Variants in NOX4 observed in about 807,000 individuals in gnomAD.
The protein encoded by NOX4 is kidney oxidase-1.
Under a neutral mutation model 87.6 loss-of-function variants are expected in NOX4, and 69 were observed. The observed-to-expected ratio is 0.79, with a 90% confidence interval of 0.65 to 0.96. The LOEUF is 0.96. Among genes scored for constraint, NOX4 ranks in the 40% least tolerant of loss-of-function variants. NOX4 has a pLI of 0.00. For missense variants in NOX4, 680 were observed against 681.5 expected (o/e 1.00, Z 0.02); for synonymous variants, 275 against 238.2 (o/e 1.15, Z -1.42).
the NOX4 span, among the ~76,000 whole-genome samples, chr11:89,573,270 G>T: frequency 6.6e-6 from 1 of 152,164 alleles, no homozygotes; most frequent in Non-Finnish European, 1.5e-5. Flanking sequence ...GGGCATGGTG[G>T]CTCATGCCTG....
At chr11:89,455,871 T>TA (rs1009897078) in intron 2 of NOX4, among the ~76,000 whole-genome samples, 35 of 151,080 alleles carry the variant, frequency 2.3e-4, no homozygotes, top group African/African-American at 4.9e-5. Flanking sequence ...ATATGGGAGC[T>TA]AAAAAAAAGA....
At chr11:89,376,301 G>A (rs1323430371) in intron 11 of NOX4, among the ~76,000 whole-genome samples, 1 of 152,208 alleles carries the variant, frequency 6.6e-6, no homozygotes, top group East Asian at 1.9e-4. Context: ...AATGAATTCA[G>A]TATATGTGGT....
chr11:89,561,440 T>A, the NOX4 span, among the ~76,000 whole-genome samples: 3 of 152,100 alleles, frequency 2.0e-5, no homozygotes, highest in African/African-American at 7.2e-5. Flanking sequence ...TACAACTGTC[T>A]GCAACATCTA....
chr11:89,537,378 T>C, the NOX4 span, among the ~76,000 whole-genome samples: 1 of 151,686 alleles, frequency 6.6e-6, no homozygotes, highest in Non-Finnish European at 1.5e-5. Context: ...TCTCAATAGT[T>C]ATACATATCT....
At chr11:89,495,877 G>A (rs570998836), upstream of NOX4, among the ~76,000 whole-genome samples, 16 of 152,288 alleles carry the variant, frequency 1.1e-4, no homozygotes, top group African/African-American at 3.9e-4. Flanking sequence ...GGAGGGATTA[G>A]TATTAAAATT....
chr11:89,555,318 CCACACA>C, the NOX4 span, among the ~76,000 whole-genome samples: 1 of 151,716 alleles, frequency 6.6e-6, no homozygotes, highest in African/African-American at 2.4e-5. Flanking sequence ...GACCTCATCT[CCACACA>C]CACACACAAA....
the NOX4 span, among the ~76,000 whole-genome samples, chr11:89,586,692 ATAT>A: frequency 5.3e-5 from 8 of 152,186 alleles, no homozygotes; most frequent in African/African-American, 1.9e-4. Flanking sequence ...GTTCAAATTA[ATAT>A]TATAGCAAAT....
chr11:89,458,354 A>C (rs1945298774), intron 2 of NOX4, among the ~76,000 whole-genome samples: 1 of 152,204 alleles, frequency 6.6e-6, no homozygotes, highest in South Asian at 2.1e-4. Context: ...AACTACAAAA[A>C]GCCTGGAAGA....
intron 10 of NOX4, 31 bp downstream of exon 10, chr11:89,400,184 C>G: frequency 5.6e-6 from 9 of 1,603,678 alleles, no homozygotes; most frequent in Non-Finnish European, 7.7e-6. Context: ...AGGATAAAGG[C>G]TATTTAAAAA....
At chr11:89,515,393 TCTC>T in the NOX4 span, among the ~76,000 whole-genome samples, 1 of 151,914 alleles carries the variant, frequency 6.6e-6, no homozygotes, top group Non-Finnish European at 1.5e-5. Context: ...TTCAAATTTT[TCTC>T]CTCTTTATTG....
intron 5 of NOX4, among the ~76,000 whole-genome samples, chr11:89,442,306 T>G (rs1944493835): frequency 6.6e-6 from 1 of 151,514 alleles, no homozygotes; most frequent in South Asian, 2.1e-4. Context: ...GTTAGAAGTG[T>G]GAAAACAGGA....
chr11:89,351,379 C>T lies in NOX4; in HGVS notation c.1217+3583G>A, dbSNP rs145394487. On this transcript the variant is annotated intron_variant, in intron 13 of 17. Transcript: ENST00000263317. ...AAAGTTCAAAGCAAAGCAGCAAGTG[C>T]TGATGGAGAAGCTGCAGTATATTAT... Among the ~76,000 whole-genome samples the T allele has an allele frequency of 4.3e-4, 65 of 152,270 alleles. No individual in the cohort carries two copies. The East Asian group carries it at 0.011, about 26-fold the overall frequency.
intron 12 of NOX4, among the ~76,000 whole-genome samples, 154 bp downstream of exon 12, chr11:89,373,277 CA>C (rs144113376): frequency 0.072 from 4,245 of 59,348 alleles, 38 homozygotes; most frequent in South Asian, 0.2. Context: ...ACTGTACAAG[CA>C]AAAAAAAAAA....
chr11:89,530,930 G>C, the NOX4 span, among the ~76,000 whole-genome samples: 3 of 152,140 alleles, frequency 2.0e-5, no homozygotes, highest in Non-Finnish European at 4.4e-5. Context: ...GGTGAAGAGA[G>C]ATTTCCTCCT....
At chr11:89,475,910 C>A (rs1159062886) in intron 2 of NOX4, among the ~76,000 whole-genome samples, 1 of 152,046 alleles carries the variant, frequency 6.6e-6, no homozygotes, top group African/African-American at 2.4e-5. Context: ...TACTATATTT[C>A]TTATGGTTTG....
chr11:89,424,714 T>C (rs903517405), intron 7 of NOX4, among the ~76,000 whole-genome samples: 4 of 152,058 alleles, frequency 2.6e-5, no homozygotes, highest in African/African-American at 9.7e-5. Flanking sequence ...ATTCCTGTCA[T>C]CTAATAACGG....
chr11:89,567,932 T>A, the NOX4 span, among the ~76,000 whole-genome samples: 1 of 152,194 alleles, frequency 6.6e-6, no homozygotes, highest in Non-Finnish European at 1.5e-5. Context: ...GTTGTCAGTG[T>A]GTGTGCATGT....
At chr11:89,346,208 C>T (rs1400284372) in intron 13 of NOX4, among the ~76,000 whole-genome samples, 2 of 152,058 alleles carry the variant, frequency 1.3e-5, no homozygotes, top group Admixed American at 6.6e-5. Flanking sequence ...CTAATGCAAT[C>T]TCATGTTAAA....
intron 8 of NOX4, among the ~76,000 whole-genome samples, chr11:89,413,515 C>A (rs12801870): frequency 6.6e-6 from 1 of 151,940 alleles, no homozygotes; most frequent in Non-Finnish European, 1.5e-5. Context: ...GAGATCCTCT[C>A]ATTTTCAACG....
Sources: allele counts gnomAD v4.1 joint callset (sites outside exome capture counted in the v4.1 genomes callset), GRCh38; gene constraint gnomAD v4.1.1; transcripts MANE v1.5; gene names NCBI Gene and HGNC (gene_info 2026-07-23, HGNC 2026-07-21).